Variants in ZNF804B observed in about 807,000 individuals in gnomAD.
ZNF804B encodes zinc finger 804B.
In ZNF804B, 80 loss-of-function variants were observed where a neutral mutation model predicts 101.4. That is an observed-to-expected ratio of 0.79 (90% CI 0.66 to 0.95). ZNF804B has a LOEUF of 0.95. Among genes scored for constraint, ZNF804B ranks in the 40% least tolerant of loss-of-function variants. The pLI, the probability that ZNF804B is intolerant of heterozygous loss-of-function variation, is 0.00. For missense variants in ZNF804B, 1,673 were observed against 1,561.9 expected, an observed-to-expected ratio of 1.07 and a Z score of -1.20; for synonymous variants, 622 against 558.8, an observed-to-expected ratio of 1.11 and a Z score of -1.59.
At chr7:89,192,637 T>C (rs1788474179) in intron 1 of ZNF804B, among the ~76,000 whole-genome samples, 1 of 152,016 alleles carries the variant, frequency 6.6e-6, no homozygotes, top group South Asian at 2.1e-4. Flanking sequence ...GAAGGACTCC[T>C]ACCCAATTCA....
intron 2 of ZNF804B, among the ~76,000 whole-genome samples, chr7:89,225,226 A>G (rs1328795208): frequency 2.0e-5 from 3 of 152,082 alleles, no homozygotes; most frequent in Non-Finnish European, 4.4e-5. Flanking sequence ...CAGCTGTTCA[A>G]TATTCAAGAA....
intron 1 of ZNF804B, among the ~76,000 whole-genome samples, chr7:89,134,821 GT>G (rs11301136): frequency 0.22 from 33,067 of 148,750 alleles, 4,007 homozygotes; most frequent in Admixed American, 0.28. Flanking sequence ...CAAACATCCT[GT>G]TTTTTTTTTA....
chr7:88,780,578 G>A (rs1003496835), intron 1 of ZNF804B, among the ~76,000 whole-genome samples: 1 of 151,398 alleles, frequency 6.6e-6, no homozygotes, highest in African/African-American at 2.4e-5. Flanking sequence ...GTAGAGAAAG[G>A]GTTCCACCAT....
intron 1 of ZNF804B, among the ~76,000 whole-genome samples, chr7:88,889,851 G>C (rs1449115163): frequency 6.6e-6 from 1 of 151,944 alleles, no homozygotes; most frequent in East Asian, 1.9e-4. Flanking sequence ...TCTTTCCCAG[G>C]GCCAATGTTC....
Position 88,929,301 on chromosome 7 carries a change from A to C in ZNF804B, c.108+169217A>C, listed in dbSNP as rs1223920128. Among the ~76,000 whole-genome samples, 3 of 151,656 alleles carry C rather than the reference A, an allele frequency of 2.0e-5. 1 individual carries two copies. The Middle Eastern group carries it at 9.5e-3, about 480-fold the overall frequency. ...GAGGCAACAGAGAGTCCAGTCAAAA[A>C]ATCTTAGTGAATCTTACTTTTCTAC... On this transcript the variant is annotated intron_variant, in intron 1 of 3. Transcript: ENST00000333190.
intron 1 of ZNF804B, among the ~76,000 whole-genome samples, chr7:88,858,148 ATC>A (rs1562814283): frequency 6.6e-6 from 1 of 152,022 alleles, no homozygotes; most frequent in Non-Finnish European, 1.5e-5. Flanking sequence ...ATAATTATCT[ATC>A]TCTCTTGACC....
Position 89,118,353 on chromosome 7 carries a change from T to C in ZNF804B, c.109-99802T>C, listed in dbSNP as rs1306427879. On this transcript the variant is annotated intron_variant, in intron 1 of 3. Coordinates refer to ENST00000333190, the MANE Select transcript of ZNF804B (RefSeq NM_181646.5). ...TATCTTAAGTAATATAGCCACTTTATCAATTAGTGAGATAATCTCCATAGT... is the reference window on the plus strand; with the variant it reads ...TATCTTAAGTAATATAGCCACTTTACCAATTAGTGAGATAATCTCCATAGT... Among the ~76,000 whole-genome samples the C allele has an allele frequency of 2.0e-5, 3 of 152,138 alleles. No individual in the cohort carries two copies. The East Asian group carries it at 5.8e-4, about 29-fold the overall frequency.
intron 2 of ZNF804B, among the ~76,000 whole-genome samples, chr7:89,227,984 A>G (rs1789121216): frequency 6.6e-6 from 1 of 152,224 alleles, no homozygotes. Context: ...ATACACAATT[A>G]AAAGACAAAG....
chr7:89,264,596 T>A (rs915924893), intron 2 of ZNF804B, among the ~76,000 whole-genome samples: 7 of 152,164 alleles, frequency 4.6e-5, no homozygotes, highest in Non-Finnish European at 1.0e-4. Context: ...CACACATAGG[T>A]TTCTTTCTCT....
intron 1 of ZNF804B, among the ~76,000 whole-genome samples, chr7:88,872,770 TC>T (rs1791855115): frequency 1.3e-5 from 2 of 150,456 alleles, no homozygotes; most frequent in Admixed American, 1.3e-4. Context: ...ATTTCCAATT[TC>T]ATCCATGTCC....
At chr7:89,232,414 T>C (rs73397191) in intron 2 of ZNF804B, among the ~76,000 whole-genome samples, 321 of 152,290 alleles carry the variant, frequency 2.1e-3, no homozygotes, top group African/African-American at 7.2e-3. Flanking sequence ...GGCTCTGGTA[T>C]CGAATACTAG....
intron 1 of ZNF804B, among the ~76,000 whole-genome samples, chr7:88,920,024 C>A (rs1792696985): frequency 6.6e-6 from 1 of 152,010 alleles, no homozygotes; most frequent in African/African-American, 2.4e-5. Flanking sequence ...GGAACTTTGG[C>A]TAAATACAAT....
At chr7:89,308,596 G>C (rs541719262) in intron 2 of ZNF804B, among the ~76,000 whole-genome samples, 132 of 152,170 alleles carry the variant, frequency 8.7e-4, no homozygotes, top group Non-Finnish European at 1.7e-3. Flanking sequence ...TGCTCTTCTA[G>C]TTTTCCATTC....
intron 1 of ZNF804B, among the ~76,000 whole-genome samples, chr7:88,870,873 A>G (rs1471909318): frequency 6.6e-6 from 1 of 152,178 alleles, no homozygotes; most frequent in East Asian, 1.9e-4. Flanking sequence ...ATTTACTTGG[A>G]ACACTTTTTC....
intron 1 of ZNF804B, among the ~76,000 whole-genome samples, chr7:89,103,635 G>A (rs2373839): frequency 0.5 from 76,095 of 151,460 alleles, 19,595 homozygotes; most frequent in African/African-American, 0.53. Flanking sequence ...CTTCTAAAGA[G>A]GTCTTTAGGG....
At chr7:89,150,217 A>C (rs1348837282) in intron 1 of ZNF804B, among the ~76,000 whole-genome samples, 1 of 151,970 alleles carries the variant, frequency 6.6e-6, no homozygotes, top group African/African-American at 2.4e-5. Flanking sequence ...TACTAGATTG[A>C]AAAAGCCTAG....
intron 1 of ZNF804B, among the ~76,000 whole-genome samples, chr7:89,017,662 C>G (rs1788591175): frequency 2.0e-5 from 3 of 151,960 alleles, no homozygotes; most frequent in African/African-American, 7.2e-5. Context: ...CATGGGATGT[C>G]TTTCTGTTAT....
intron 1 of ZNF804B, among the ~76,000 whole-genome samples, chr7:89,109,233 G>A (rs1790178714): frequency 6.6e-6 from 1 of 152,064 alleles, no homozygotes; most frequent in African/African-American, 2.4e-5. Flanking sequence ...CATAATGCTT[G>A]CAATGTATTT....
At chr7:89,173,773 A>G (rs553082690) in intron 1 of ZNF804B, among the ~76,000 whole-genome samples, 1 of 151,956 alleles carries the variant, frequency 6.6e-6, no homozygotes, top group Admixed American at 6.6e-5. Context: ...TCCATCATCT[A>G]GCTGTATATC....
Sources: gnomAD v4.1 joint callset for allele counts (sites outside exome capture counted in the v4.1 genomes callset) on GRCh38, gnomAD v4.1.1 for gene constraint, MANE v1.5 for transcripts, NCBI Gene and HGNC (gene_info 2026-07-23, HGNC 2026-07-21) for gene names.